HS6ST1: variants seen among roughly 807,000 people sequenced by gnomAD.
HS6ST1 encodes the protein heparan-sulfate 6-O-sulfotransferase 1.
HS6ST1 carries 3 observed loss-of-function variants against 25.2 expected under a neutral mutation model. The observed-to-expected ratio is 0.12, with a 90% CI of 0.05 to 0.31. HS6ST1 has a LOEUF of 0.31. Ranked by LOEUF, HS6ST1 falls within the 10% of genes least tolerant of loss-of-function variation. The probability of loss-of-function intolerance (pLI) is 1.00; values close to 1 mark genes in which losing one functional copy is unlikely to be tolerated. For synonymous variants in HS6ST1, 204 were observed against 275.1 expected, an observed-to-expected ratio of 0.74 and a Z score of 2.56; for missense variants, 310 against 609.6, an observed-to-expected ratio of 0.51 and a Z score of 5.18.
chr2:128,307,776 G>A (rs1350844513), intron 1 of HS6ST1, among the ~76,000 whole-genome samples: 3 of 152,182 alleles, frequency 2.0e-5, no homozygotes, highest in Non-Finnish European at 4.4e-5. Context: ...CCAAACAATC[G>A]GGAACCACGG....
chr2:128,285,390 C>G (rs2104920517), intron 1 of HS6ST1, among the ~76,000 whole-genome samples: 1 of 152,284 alleles, frequency 6.6e-6, no homozygotes, highest in Non-Finnish European at 1.5e-5. Context: ...GCAGGGTCCA[C>G]AGACCCCACT....
chr2:128,301,866 A>G (rs1295710942), intron 1 of HS6ST1, among the ~76,000 whole-genome samples: 2 of 152,272 alleles, frequency 1.3e-5, no homozygotes, highest in Middle Eastern at 3.4e-3. Context: ...TGGCTCACGC[A>G]GGCATCACGG....
chr2:128,268,724 TAG>T lies in HS6ST1; in HGVS notation c.672_673del (p.Cys224Ter). On this transcript the variant is annotated stop_gained and frameshift_variant, in exon 2 of 2. Coordinates refer to ENST00000259241, the MANE Select transcript of HS6ST1 (RefSeq NM_004807.3). LOFTEE classifies it high-confidence loss of function. ...GCAGCCCGACCAGTCCGTGCCCTCG[TAG>T]CAGGGCGGCAGCTCCTCAGGCGTGG... is the stretch of plus-strand genomic sequence containing the variant. 6.2e-7 allele frequency: 1 copy of T among 1,612,500 alleles called. No homozygotes were observed. The highest frequency in any genetic ancestry group is 8.5e-7 in the Non-Finnish European group (1 of 1,179,916).
intron 1 of HS6ST1, among the ~76,000 whole-genome samples, chr2:128,309,471 G>T (rs1444698739): frequency 6.6e-6 from 1 of 152,248 alleles, no homozygotes; most frequent in Non-Finnish European, 1.5e-5. Context: ...ACAAGGACCA[G>T]GCCTGCCCCA....
At chr2:128,276,494 G>A (rs961798188) in intron 1 of HS6ST1, among the ~76,000 whole-genome samples, 1 of 152,152 alleles carries the variant, frequency 6.6e-6, no homozygotes, top group Non-Finnish European at 1.5e-5. Flanking sequence ...GGCTAGCCCT[G>A]GGGTGTGGGG....
Position 128,267,840 on chromosome 2 carries a change from G to A in HS6ST1, c.*322C>T, listed in dbSNP as rs989514974. The stretch of plus-strand genomic sequence containing the variant: ...ACTTTCCGCTGTCCTCGTCTCTTGC[G>A]CAAACCTTCAGTTTTTGCGATAAAT... On this transcript the variant is annotated 3_prime_UTR_variant, in exon 2 of 2. Transcript: ENST00000259241. The A allele has an allele frequency of 2.3e-5, 11 of 472,276 alleles. No homozygotes were observed. The highest frequency in any genetic ancestry group is 7.4e-5 in the East Asian group (2 of 27,024). The allele number at this position is 472,276 out of a possible 1,614,324, so 29.3% of individuals were successfully genotyped here. A position where few individuals can be genotyped will look rare whatever the true frequency, so the allele number is the denominator to read the frequency against.
intron 1 of HS6ST1, among the ~76,000 whole-genome samples, chr2:128,317,803 A>C (rs997663593): frequency 6.6e-6 from 1 of 152,206 alleles, no homozygotes; most frequent in African/African-American, 2.4e-5. Context: ...GTAGGGCAGC[A>C]CAAGGCAAGG....
intron 1 of HS6ST1, among the ~76,000 whole-genome samples, chr2:128,316,751 G>A (rs560716997): frequency 1.2e-4 from 18 of 151,436 alleles, no homozygotes; most frequent in African/African-American, 4.2e-4. Flanking sequence ...AAAGAAAAGT[G>A]GGAAGATGCC....
chr2:128,303,906 G>C (rs990801126), intron 1 of HS6ST1, among the ~76,000 whole-genome samples: 1 of 152,210 alleles, frequency 6.6e-6, no homozygotes, highest in African/African-American at 2.4e-5. Flanking sequence ...CTTCTCCAGC[G>C]TGAGCAGAGA....
intron 1 of HS6ST1, among the ~76,000 whole-genome samples, chr2:128,274,398 A>C (rs758857643): frequency 7.9e-5 from 12 of 152,226 alleles, no homozygotes; most frequent in Admixed American, 1.3e-4. Flanking sequence ...AAAAGGCAGA[A>C]GGAAAATGAC....
rs1400615096 is a variant in HS6ST1 at position 128,266,065 on chromosome 2, G to A, written c.*2097C>T. On this transcript the variant is annotated 3_prime_UTR_variant, in exon 2 of 2. Coordinates refer to ENST00000259241, the MANE Select transcript of HS6ST1 (RefSeq NM_004807.3). Reference sequence around the variant, plus strand: ...CGTGCTTCCGTGTGAGTTGGGATGCGGGGCATAAGTTAACACATATTCCAA... The same window carrying A: ...CGTGCTTCCGTGTGAGTTGGGATGCAGGGCATAAGTTAACACATATTCCAA... The A allele has an allele frequency of 2.6e-5, 4 of 151,328 alleles. No homozygotes were observed. The highest frequency in any genetic ancestry group is 9.7e-5 in the African/African-American group (4 of 41,138). 9.4% of individuals were successfully genotyped at this position (151,328 alleles called of 1,614,324 possible). A position where few individuals can be genotyped will look rare whatever the true frequency, so the allele number is the denominator to read the frequency against.
At chr2:128,290,496 T>C (rs1693934912) in intron 1 of HS6ST1, among the ~76,000 whole-genome samples, 1 of 152,246 alleles carries the variant, frequency 6.6e-6, no homozygotes, top group Non-Finnish European at 1.5e-5. Flanking sequence ...CAATTGAGCA[T>C]ATAAAAGATA....
At chr2:128,309,857 A>T (rs956879767) in intron 1 of HS6ST1, among the ~76,000 whole-genome samples, 5 of 152,216 alleles carry the variant, frequency 3.3e-5, no homozygotes, top group Non-Finnish European at 5.9e-5. Flanking sequence ...CTGGGCCTGC[A>T]CTAGGCTGCA....
chr2:128,276,415 CG>C (rs1693694980), intron 1 of HS6ST1, among the ~76,000 whole-genome samples: 1 of 152,106 alleles, frequency 6.6e-6, no homozygotes, highest in African/African-American at 2.4e-5. Context: ...GGATGACAGG[CG>C]TGAGCCACTG....
chr2:128,272,808 A>G lies in HS6ST1; in HGVS notation c.528-3938T>C, dbSNP rs185847037. ...GGAGGGTGAGCTGCTGAAGACAGAC[A>G]CTCATTTGAAAGCCATCTAAGTCCG... On this transcript the variant is annotated intron_variant, in intron 1 of 1. Transcript: ENST00000259241. Among the ~76,000 whole-genome samples, 394 of 152,176 alleles carry G rather than the reference A, an allele frequency of 2.6e-3. 3 individuals are homozygous for G. The highest frequency in any genetic ancestry group is 8.9e-3 in the African/African-American group (368 of 41,496).
chr2:128,289,387 T>C (rs948476490), intron 1 of HS6ST1, among the ~76,000 whole-genome samples: 6 of 152,182 alleles, frequency 3.9e-5, no homozygotes, highest in African/African-American at 7.2e-5. Context: ...GCAACCCCGG[T>C]ACGGTCGCCA....
intron 1 of HS6ST1, among the ~76,000 whole-genome samples, chr2:128,280,539 A>G (rs1176587399): frequency 2.0e-5 from 3 of 152,244 alleles, no homozygotes; most frequent in African/African-American, 7.2e-5. Context: ...GCTTGGCCCA[A>G]GGGCAGGCAG....
intron 1 of HS6ST1, among the ~76,000 whole-genome samples, chr2:128,292,260 A>C (rs1396141792): frequency 2.0e-5 from 3 of 152,294 alleles, no homozygotes. Context: ...GGGCCTGCTC[A>C]CACCATGTGT....
intron 1 of HS6ST1, among the ~76,000 whole-genome samples, chr2:128,277,947 C>A (rs1413363315): frequency 6.6e-6 from 1 of 152,250 alleles, no homozygotes; most frequent in Non-Finnish European, 1.5e-5. Context: ...TTTCTGGGCA[C>A]TGGTTTAGTG....
Sources: allele counts gnomAD v4.1 joint callset (sites outside exome capture counted in the v4.1 genomes callset), GRCh38; gene constraint gnomAD v4.1.1; transcripts MANE v1.5; gene names NCBI Gene and HGNC (gene_info 2026-07-23, HGNC 2026-07-21).